Variants in ADAM18 observed in about 807,000 individuals in gnomAD.
ADAM18 encodes the protein ADAM metallopeptidase domain 18.
ADAM18 carries 117 observed loss-of-function variants against 94.4 expected under a neutral mutation model. That is an observed-to-expected ratio of 1.24 (90% confidence interval 1.07 to 1.45). The LOEUF is 1.45. Among genes scored for constraint, ADAM18 ranks in the 40% most tolerant of loss-of-function variants. The pLI is 0.00. For synonymous variants in ADAM18, 327 were observed against 291.6 expected (o/e 1.12, Z -1.24); for missense variants, 936 against 880.0 (o/e 1.06, Z -0.81).
chr8:39,606,970 C>T (rs1210744065), intron 3 of ADAM18, among the ~76,000 whole-genome samples: 1 of 152,148 alleles, frequency 6.6e-6, no homozygotes, highest in Non-Finnish European at 1.5e-5. Context: ...TGGCCATTTT[C>T]ACTTCTTTTG....
chr8:39,646,968 C>T (rs1355698606), intron 11 of ADAM18, among the ~76,000 whole-genome samples: 2 of 152,068 alleles, frequency 1.3e-5, no homozygotes, highest in Non-Finnish European at 2.9e-5. Context: ...TTTGAGCAGA[C>T]ATCTGACTGA....
chr8:39,614,530 C>T (rs996079647), intron 6 of ADAM18, among the ~76,000 whole-genome samples: 4 of 152,130 alleles, frequency 2.6e-5, no homozygotes, highest in Non-Finnish European at 4.4e-5. Context: ...AGTACATAGA[C>T]AGTTGACACT....
chr8:39,629,635 C>T (rs561046084), intron 7 of ADAM18, among the ~76,000 whole-genome samples, 196 bp downstream of exon 7: 1 of 150,776 alleles, frequency 6.6e-6, no homozygotes, highest in South Asian at 2.1e-4. Context: ...TCTACCCCTC[C>T]TTCACTCACT....
At chr8:39,718,760 T>TAAA (rs1268412091) in intron 18 of ADAM18, among the ~76,000 whole-genome samples, 2 of 151,384 alleles carry the variant, frequency 1.3e-5, no homozygotes, top group African/African-American at 2.4e-5. Flanking sequence ...CATCAGAAAA[T>TAAA]AAAATACTTG....
chr8:39,686,659 CTTGT>C (rs1186686174), intron 16 of ADAM18, among the ~76,000 whole-genome samples: 5 of 152,126 alleles, frequency 3.3e-5, no homozygotes, highest in African/African-American at 1.2e-4. Flanking sequence ...ATGACTATAG[CTTGT>C]TTATCTCTTT....
intron 2 of ADAM18, among the ~76,000 whole-genome samples, chr8:39,590,552 A>T (rs1168084307): frequency 1.3e-5 from 2 of 152,268 alleles, no homozygotes; most frequent in South Asian, 2.1e-4. Context: ...AACCTGCACA[A>T]TGTGCACATG....
intron 14 of ADAM18, among the ~76,000 whole-genome samples, chr8:39,676,476 G>T (rs1465301528): frequency 6.6e-6 from 1 of 152,238 alleles, no homozygotes; most frequent in Non-Finnish European, 1.5e-5. Flanking sequence ...GAATCATCTT[G>T]TCTGCCGATT....
At chr8:39,714,090 C>T (rs7820085) in intron 18 of ADAM18, among the ~76,000 whole-genome samples, 54,034 of 152,076 alleles carry the variant, frequency 0.36, 11,045 homozygotes, top group East Asian at 0.75. Flanking sequence ...CACATGTACA[C>T]CATGGAATAC....
At chr8:39,717,339 A>G (rs1390416635) in intron 18 of ADAM18, among the ~76,000 whole-genome samples, 1 of 151,838 alleles carries the variant, frequency 6.6e-6, no homozygotes, top group African/African-American at 2.4e-5. Context: ...TAACTTTTAC[A>G]GTAAAATTAA....
chr8:39,724,315 A>G lies in ADAM18; in HGVS notation c.2177+408A>G, dbSNP rs189845690. The stretch of plus-strand genomic sequence containing the variant: ...TTTGGAAGCTTGTGAATTCAAAAAT[A>G]TGTCCCTTTCTTCAAAATTGTATAA... On this transcript the variant is annotated intron_variant, in intron 19 of 19. Transcript: ENST00000265707. Among the ~76,000 whole-genome samples, 351 of 151,960 alleles carry G rather than the reference A, an allele frequency of 2.3e-3. 1 individual carries two copies. Among genetic ancestry groups the G allele is most frequent in the South Asian group, 9.7e-3 (47 of 4,832 alleles).
chr8:39,665,773 C>T (rs1174524649), intron 13 of ADAM18, among the ~76,000 whole-genome samples: 1 of 152,040 alleles, frequency 6.6e-6, no homozygotes, highest in East Asian at 1.9e-4. Flanking sequence ...TATTTCATTT[C>T]ATGTGTAGTG....
At chr8:39,668,290 T>A in intron 14 of ADAM18, 94 bp downstream of exon 14, 1 of 1,184,758 alleles carries the variant, frequency 8.4e-7, no homozygotes, top group Non-Finnish European at 1.2e-6. Flanking sequence ...TGGAAGAAAC[T>A]GAACCACAAG....
intron 6 of ADAM18, among the ~76,000 whole-genome samples, chr8:39,618,208 G>T (rs1342652086): frequency 6.6e-6 from 1 of 152,310 alleles, no homozygotes; most frequent in East Asian, 1.9e-4. Context: ...GGATCGGCAG[G>T]TTGAGAAATA....
chr8:39,663,982 A>G, intron 13 of ADAM18, 92 bp downstream of exon 13: 1 of 824,044 alleles, frequency 1.2e-6, no homozygotes, highest in Non-Finnish European at 1.9e-6. Flanking sequence ...AAAAGAATAT[A>G]TAAGGAATTT....
chr8:39,695,132 A>G (rs1821887423), intron 17 of ADAM18, among the ~76,000 whole-genome samples: 1 of 151,520 alleles, frequency 6.6e-6, no homozygotes, highest in South Asian at 2.1e-4. Context: ...TTCATCTATT[A>G]AAGGACAATG....
At chr8:39,630,705 G>T (rs1208656142) in intron 7 of ADAM18, among the ~76,000 whole-genome samples, 1 of 151,854 alleles carries the variant, frequency 6.6e-6, no homozygotes, top group Non-Finnish European at 1.5e-5. Flanking sequence ...CACCAATCTT[G>T]CTCATGTCTT....
chr8:39,622,921 T>A (rs1008184936), intron 6 of ADAM18, among the ~76,000 whole-genome samples: 5 of 152,136 alleles, frequency 3.3e-5, no homozygotes, highest in Admixed American at 2.0e-4. Context: ...GAGGGGACAG[T>A]TACATGGATG....
At chr8:39,589,100 A>G (rs1382151794) in intron 2 of ADAM18, among the ~76,000 whole-genome samples, 3 of 152,172 alleles carry the variant, frequency 2.0e-5, no homozygotes, top group Non-Finnish European at 4.4e-5. Context: ...TTCACACATG[A>G]TTATGAAGTA....
chr8:39,676,629 A>C (rs1821309995), intron 14 of ADAM18, among the ~76,000 whole-genome samples: 1 of 152,072 alleles, frequency 6.6e-6, no homozygotes, highest in Non-Finnish European at 1.5e-5. Context: ...GCCCTGCTTC[A>C]GCTCGCCTTC....
Sources: allele counts gnomAD v4.1 joint callset (sites outside exome capture counted in the v4.1 genomes callset), GRCh38; gene constraint gnomAD v4.1.1; transcripts MANE v1.5; gene names NCBI Gene and HGNC (gene_info 2026-07-23, HGNC 2026-07-21).